ELMO1: variants seen among roughly 807,000 people sequenced by gnomAD.
ELMO1 encodes engulfment and cell motility protein 1.
A neutral mutation model predicts 98.9 loss-of-function variants in ELMO1; 26 were observed. The ratio of observed to expected loss-of-function variants is 0.26; its 90% CI spans 0.19 to 0.36. ELMO1 has a LOEUF of 0.36. ELMO1 is among the 10% of genes least tolerant of loss of function. ELMO1 has a pLI of 1.00. For synonymous variants in ELMO1, 346 were observed against 346.0 expected, an observed-to-expected ratio of 1.00 and a Z score of 0.00; for missense variants, 627 against 935.2, an observed-to-expected ratio of 0.67 and a Z score of 4.30.
intron 16 of ELMO1, among the ~76,000 whole-genome samples, chr7:36,957,957 G>A (rs1256467434): frequency 6.6e-6 from 1 of 152,130 alleles, no homozygotes; most frequent in Non-Finnish European, 1.5e-5. Context: ...CTTCTCTGCT[G>A]TGCTGCCCAT....
In ELMO1 at chr7:36,959,050, T is replaced by C. The variant is rs147378370; in HGVS notation, c.1437+54249A>G. On this transcript the variant is annotated intron_variant, in intron 16 of 21. Coordinates refer to ENST00000310758, the MANE Select transcript of ELMO1 (RefSeq NM_014800.11). ...TGCCTGAATCTACGTTCCCCATCTC[T>C]ATGAGTGGTGCCATCAAAACCTAAA... Among the ~76,000 whole-genome samples the C allele has an allele frequency of 4.3e-3, 648 of 152,238 alleles. 7 individuals are homozygous for C. The highest frequency in any genetic ancestry group is 0.015 in the African/African-American group (624 of 41,528).
intron 9 of ELMO1, 87 bp downstream of exon 9, chr7:37,224,792 T>C: frequency 6.5e-7 from 1 of 1,539,184 alleles, no homozygotes; most frequent in Non-Finnish European, 8.8e-7. Flanking sequence ...TTAACCAAAC[T>C]ATAACAACAT....
chr7:37,409,726 C>T (rs1049124833), intron 1 of ELMO1, among the ~76,000 whole-genome samples: 1 of 152,180 alleles, frequency 6.6e-6, no homozygotes, highest in Non-Finnish European at 1.5e-5. Flanking sequence ...AGGTGAATAA[C>T]ATTTTTATGA....
chr7:36,956,152 T>G lies in ELMO1; in HGVS notation c.1437+57147A>C, dbSNP rs576315060. Reference sequence around the variant, plus strand: ...TAGGGTGTCCTGAAGGCTACATATATTTCTTGGAGGCTGAATAGGTGTACT... The same window carrying G: ...TAGGGTGTCCTGAAGGCTACATATAGTTCTTGGAGGCTGAATAGGTGTACT... On this transcript the variant is annotated intron_variant, in intron 16 of 21. Transcript: ENST00000310758. 1.3e-4 allele frequency among the ~76,000 whole-genome samples: 20 copies of G among 152,338 alleles called. No individual in the cohort carries two copies. In the East Asian group the frequency reaches 3.7e-3, roughly 28 times the overall value.
At chr7:36,916,166 C>T (rs1006977430) in intron 16 of ELMO1, among the ~76,000 whole-genome samples, 5 of 152,194 alleles carry the variant, frequency 3.3e-5, no homozygotes, top group Non-Finnish European at 7.3e-5. Context: ...ATGGGAATTT[C>T]ATCATCCCTA....
chr7:37,070,690 G>A (rs970913204), intron 15 of ELMO1, among the ~76,000 whole-genome samples: 1 of 152,160 alleles, frequency 6.6e-6, no homozygotes, highest in Non-Finnish European at 1.5e-5. Context: ...TGACATGATG[G>A]ATTTCAGAAT....
chr7:37,308,189 C>T (rs1378888019), intron 4 of ELMO1, among the ~76,000 whole-genome samples: 1 of 152,218 alleles, frequency 6.6e-6, no homozygotes, highest in African/African-American at 2.4e-5. Context: ...AGTTTTCTCA[C>T]TGTTTCTGCC....
chr7:37,073,171 A>G (rs916334548), intron 15 of ELMO1, among the ~76,000 whole-genome samples: 2 of 152,196 alleles, frequency 1.3e-5, no homozygotes, highest in Admixed American at 6.5e-5. Flanking sequence ...TTTGGAAACA[A>G]TCTCAATATA....
chr7:36,858,290 G>T (rs1802358468), intron 21 of ELMO1, among the ~76,000 whole-genome samples: 1 of 152,120 alleles, frequency 6.6e-6, no homozygotes, highest in African/African-American at 2.4e-5. Context: ...TGGTTCCAAG[G>T]ATCCAGACAA....
At position 37,437,845 on chromosome 7, in the gene ELMO1, C is replaced by T. The variant is rs1805214233; in HGVS notation, c.-74+10830G>A. On this transcript the variant is annotated intron_variant, in intron 1 of 21. Coordinates refer to ENST00000310758, the MANE Select transcript of ELMO1 (RefSeq NM_014800.11). ...AAAATTAGCCGGGCGCGGTGGCGGG[C>T]GCCTGTAGTCCCAGCTACTCGGGAG... 3.5e-5 allele frequency among the ~76,000 whole-genome samples: 2 copies of T among 57,748 alleles called. 1 individual carries two copies. The highest frequency in any genetic ancestry group is 1.2e-3 in the South Asian group (2 of 1,618). 37.9% of individuals were successfully genotyped at this position (57,748 alleles called of 152,430 possible). A position where few individuals can be genotyped will look rare whatever the true frequency, so the allele number is the denominator to read the frequency against.
chr7:36,971,341 G>C (rs557274682), intron 16 of ELMO1, among the ~76,000 whole-genome samples: 1 of 152,306 alleles, frequency 6.6e-6, no homozygotes, highest in South Asian at 2.1e-4. Flanking sequence ...GGCATACAGG[G>C]AAGCCTCCCT....
intron 1 of ELMO1, among the ~76,000 whole-genome samples, chr7:37,355,348 C>T (rs1801457564): frequency 6.6e-6 from 1 of 152,166 alleles, no homozygotes; most frequent in Non-Finnish European, 1.5e-5. Context: ...TATCATTTGC[C>T]AGACATGGGG....
At chr7:37,248,488 AC>A (rs1160660217) in intron 6 of ELMO1, among the ~76,000 whole-genome samples, 2 of 152,216 alleles carry the variant, frequency 1.3e-5, no homozygotes, top group Non-Finnish European at 2.9e-5. Context: ...ACAATCTCTG[AC>A]AAAGCCCAAG....
At chr7:37,063,718 A>G (rs1020346239) in intron 15 of ELMO1, among the ~76,000 whole-genome samples, 6 of 151,988 alleles carry the variant, frequency 3.9e-5, no homozygotes, top group African/African-American at 1.5e-4. Context: ...CCCCTCCGCT[A>G]TCTCCCTCCG....
At chr7:37,021,755 T>A (rs539676246) in intron 15 of ELMO1, among the ~76,000 whole-genome samples, 4 of 152,296 alleles carry the variant, frequency 2.6e-5, no homozygotes, top group Admixed American at 1.3e-4. Flanking sequence ...GTGATTCATA[T>A]GTTAACCGAG....
chr7:37,321,646 G>A (rs1392193859), intron 2 of ELMO1, among the ~76,000 whole-genome samples: 1 of 143,908 alleles, frequency 6.9e-6, no homozygotes, highest in African/African-American at 2.7e-5. Flanking sequence ...GAACTCGGGA[G>A]GCGGAGCTTG....
At chr7:36,944,094 T>C (rs902552901) in intron 16 of ELMO1, among the ~76,000 whole-genome samples, 1 of 152,226 alleles carries the variant, frequency 6.6e-6, no homozygotes, top group African/African-American at 2.4e-5. Flanking sequence ...GCAGCTCTTA[T>C]GTGCTTCACA....
intron 7 of ELMO1, among the ~76,000 whole-genome samples, chr7:37,243,449 C>A (rs536693892): frequency 3.9e-5 from 6 of 152,228 alleles, no homozygotes; most frequent in African/African-American, 1.4e-4. Context: ...ACTGTCATTA[C>A]CATTAAGTGC....
chr7:37,022,266 A>G (rs1169932619), intron 15 of ELMO1, among the ~76,000 whole-genome samples: 1 of 152,214 alleles, frequency 6.6e-6, no homozygotes. Context: ...TAAACTCAAG[A>G]ACTTGTTTGT....
Sources: gnomAD v4.1 joint callset for allele counts (sites outside exome capture counted in the v4.1 genomes callset) on GRCh38, gnomAD v4.1.1 for gene constraint, MANE v1.5 for transcripts, NCBI Gene and HGNC (gene_info 2026-07-23, HGNC 2026-07-21) for gene names.